The following TECRL variants were observed in gnomAD, a reference collection of about 807,000 sequenced individuals.
TECRL encodes the protein trans-2,3-enoyl-CoA reductase-like.
A neutral mutation model predicts 52.8 loss-of-function variants in TECRL; 63 were observed. That is an observed-to-expected ratio of 1.19 (90% CI 0.97 to 1.47). The LOEUF (loss-of-function observed/expected upper bound fraction) is 1.47. Ranked by LOEUF, TECRL falls within the 40% of genes most tolerant of loss-of-function variation. The pLI is 0.00. For missense variants in TECRL, 482 were observed against 429.6 expected, an observed-to-expected ratio of 1.12 and a Z score of -1.08; for synonymous variants, 164 against 141.9, an observed-to-expected ratio of 1.16 and a Z score of -1.10.
At chr4:64,375,634 A>G (rs1722345863) in intron 1 of TECRL, among the ~76,000 whole-genome samples, 1 of 151,900 alleles carries the variant, frequency 6.6e-6, no homozygotes. Context: ...TGGACAAATG[A>G]GAGAAATGTT....
intron 5 of TECRL, among the ~76,000 whole-genome samples, chr4:64,312,853 A>G (rs964402188): frequency 6.6e-6 from 1 of 151,992 alleles, no homozygotes; most frequent in Non-Finnish European, 1.5e-5. Context: ...CGTATCTGGT[A>G]TATGTTACAT....
intron 2 of TECRL, among the ~76,000 whole-genome samples, chr4:64,348,388 T>G (rs1044885097): frequency 1.3e-5 from 2 of 152,130 alleles, no homozygotes; most frequent in Admixed American, 6.6e-5. Flanking sequence ...CCTCCCGCCC[T>G]CAACATGTGA....
intron 3 of TECRL, among the ~76,000 whole-genome samples, chr4:64,325,652 A>G (rs1201358419): frequency 2.6e-5 from 4 of 152,186 alleles, no homozygotes; most frequent in African/African-American, 9.6e-5. Context: ...ACAATTATGT[A>G]TAAGAACAAG....
chr4:64,389,976 C>T (rs1162439707), intron 1 of TECRL, among the ~76,000 whole-genome samples: 1 of 151,786 alleles, frequency 6.6e-6, no homozygotes. Flanking sequence ...CCATGTTAAG[C>T]CTTGCTTTAC....
At chr4:64,351,324 C>T (rs1366443124) in intron 2 of TECRL, among the ~76,000 whole-genome samples, 2 of 151,620 alleles carry the variant, frequency 1.3e-5, no homozygotes, top group African/African-American at 2.4e-5. Flanking sequence ...CACTTTGTCA[C>T]TGAGTCTGGT....
chr4:64,393,024 G>T (rs536468080), intron 1 of TECRL, among the ~76,000 whole-genome samples: 12 of 152,032 alleles, frequency 7.9e-5, no homozygotes, highest in African/African-American at 2.6e-4. Flanking sequence ...GAATGAGGTG[G>T]TGCTGTAGTA....
intron 6 of TECRL, among the ~76,000 whole-genome samples, chr4:64,307,473 G>C (rs765715487): frequency 6.6e-6 from 1 of 152,092 alleles, no homozygotes; most frequent in Non-Finnish European, 1.5e-5. Context: ...GAGGATACAA[G>C]GACGAGGAGA....
At chr4:64,353,984 C>A (rs996921478) in intron 2 of TECRL, among the ~76,000 whole-genome samples, 4 of 151,982 alleles carry the variant, frequency 2.6e-5, no homozygotes, top group Non-Finnish European at 5.9e-5. Flanking sequence ...ATAAAACAAA[C>A]AAACAAAATG....
At chr4:64,391,111 C>T (rs547780490) in intron 1 of TECRL, among the ~76,000 whole-genome samples, 5 of 151,734 alleles carry the variant, frequency 3.3e-5, no homozygotes, top group East Asian at 3.9e-4. Flanking sequence ...TTGTCCTCAA[C>T]GTATAAACAA....
chr4:64,340,164 G>A (rs182186636), intron 2 of TECRL, among the ~76,000 whole-genome samples: 6 of 152,302 alleles, frequency 3.9e-5, no homozygotes, highest in African/African-American at 1.4e-4. Context: ...CCATGGAGCT[G>A]GCAGAAGCCA....
rs966044914 is a variant in TECRL, at chr4:64,292,937, TA to T, written c.775-3171del. Among the ~76,000 whole-genome samples the T allele has an allele frequency of 7.2e-5, 11 of 151,922 alleles. No homozygotes were observed. In the South Asian group the frequency reaches 1.7e-3, roughly 23 times the overall value. On this transcript the variant is annotated intron_variant, in intron 8 of 11. Coordinates refer to ENST00000381210, the MANE Select transcript of TECRL (RefSeq NM_001010874.5). The stretch of plus-strand genomic sequence containing the variant: ...GAACTTTAGGATGATGTTTGATAAA[TA>T]AAAAAAATTTAAATGAACCTTACAT...
intron 1 of TECRL, among the ~76,000 whole-genome samples, chr4:64,404,220 C>CAA (rs74418503): frequency 0.043 from 4,987 of 115,852 alleles, 250 homozygotes; most frequent in African/African-American, 0.12. Flanking sequence ...AGAGTTTTAC[C>CAA]AAAAAAAAAA....
chr4:64,359,846 G>T (rs1225378105), intron 2 of TECRL, among the ~76,000 whole-genome samples: 1 of 152,048 alleles, frequency 6.6e-6, no homozygotes, highest in Non-Finnish European at 1.5e-5. Flanking sequence ...AATTTGACTA[G>T]TATTTTAAAG....
chr4:64,382,140 C>T (rs11737276), intron 1 of TECRL, among the ~76,000 whole-genome samples: 141,643 of 146,494 alleles, frequency 0.97, 68,627 homozygotes, highest in East Asian at 1. Flanking sequence ...AAACTTTCTA[C>T]TTCTTTCTGA....
intron 1 of TECRL, among the ~76,000 whole-genome samples, chr4:64,378,237 G>C (rs116075786): frequency 0.017 from 2,584 of 151,944 alleles, 41 homozygotes; most frequent in South Asian, 0.041. Flanking sequence ...GATTAATTCA[G>C]GAAAATGGAA....
intron 2 of TECRL, among the ~76,000 whole-genome samples, chr4:64,335,113 G>T (rs1718962199): frequency 6.6e-6 from 1 of 152,232 alleles, no homozygotes; most frequent in African/African-American, 2.4e-5. Flanking sequence ...CAACCCCTGG[G>T]CCACAGACCA....
intron 2 of TECRL, among the ~76,000 whole-genome samples, chr4:64,353,557 G>C (rs11939376): frequency 0.66 from 100,758 of 151,906 alleles, 34,781 homozygotes; most frequent in Non-Finnish European, 0.76. Flanking sequence ...ACACAGGTTT[G>C]AAGATGGAGT....
chr4:64,341,908 T>A (rs1159393193), intron 2 of TECRL, among the ~76,000 whole-genome samples: 1 of 150,654 alleles, frequency 6.6e-6, no homozygotes, highest in East Asian at 1.9e-4. Context: ...CATGTCTGAC[T>A]GTGGAGTGGC....
chr4:64,394,654 G>A (rs984017443), intron 1 of TECRL, among the ~76,000 whole-genome samples: 5 of 152,164 alleles, frequency 3.3e-5, no homozygotes, highest in Admixed American at 6.6e-5. Context: ...TGAACACAGA[G>A]TGTTTCCATA....
Sources: gnomAD v4.1 joint callset for allele counts (sites outside exome capture counted in the v4.1 genomes callset) on GRCh38, gnomAD v4.1.1 for gene constraint, MANE v1.5 for transcripts, NCBI Gene and HGNC (gene_info 2026-07-23, HGNC 2026-07-21) for gene names.